FGGY: variants seen among roughly 807,000 people sequenced by gnomAD.
FGGY encodes the protein FGGY carbohydrate kinase domain containing, also known as FGGY carbohydrate kinase domain-containing protein.
In FGGY, 72 loss-of-function variants were observed where a neutral mutation model predicts 71.3. That is an observed-to-expected ratio of 1.01 (90% CI 0.84 to 1.23). The LOEUF (loss-of-function observed/expected upper bound fraction) is 1.23. FGGY is among the 50% of genes most tolerant of loss of function. FGGY has a pLI of 0.00. For synonymous variants in FGGY, 251 were observed against 250.3 expected (o/e 1.00, Z -0.02); for missense variants, 668 against 682.3 (o/e 0.98, Z 0.23).
chr1:59,374,395 C>A (rs1188679283), intron 4 of FGGY, among the ~76,000 whole-genome samples: 1 of 152,198 alleles, frequency 6.6e-6, no homozygotes, highest in Non-Finnish European at 1.5e-5. Context: ...TTTAAAAAGT[C>A]AGGAAACAAC....
chr1:59,415,277 A>G (rs1430693117), intron 5 of FGGY, among the ~76,000 whole-genome samples: 1 of 152,228 alleles, frequency 6.6e-6, no homozygotes, highest in African/African-American at 2.4e-5. Flanking sequence ...ATATACCTCA[A>G]TAAAGTTGTT....
intron 3 of FGGY, among the ~76,000 whole-genome samples, chr1:59,344,944 A>T (rs1006206408): frequency 2.0e-5 from 3 of 152,094 alleles, no homozygotes; most frequent in African/African-American, 7.2e-5. Context: ...TCATGTTACT[A>T]TGTCTAACTC....
At chr1:59,613,306 C>G (rs1214688577) in intron 9 of FGGY, among the ~76,000 whole-genome samples, 3 of 152,160 alleles carry the variant, frequency 2.0e-5, no homozygotes, top group Admixed American at 2.0e-4. Flanking sequence ...TCTCTCAGAC[C>G]ACAGTGCAAT....
At chr1:59,755,265 C>T (rs999082285) in intron 14 of FGGY, 6 of 152,078 alleles carry the variant, frequency 3.9e-5, no homozygotes, top group Admixed American at 1.3e-4. Flanking sequence ...TTTAACATTC[C>T]GTCACGTGTA....
intron 4 of FGGY, among the ~76,000 whole-genome samples, chr1:59,359,601 C>G (rs1337653453): frequency 1.3e-5 from 2 of 152,178 alleles, no homozygotes; most frequent in Non-Finnish European, 2.9e-5. Context: ...AGTGCTGACA[C>G]AGCTAAGACC....
intron 5 of FGGY, among the ~76,000 whole-genome samples, chr1:59,431,278 C>T (rs1210325711): frequency 6.6e-6 from 1 of 152,168 alleles, no homozygotes; most frequent in Non-Finnish European, 1.5e-5. Flanking sequence ...GGAAACAAGT[C>T]CTAACTTCCT....
At chr1:59,574,301 T>C (rs12071725) in intron 8 of FGGY, among the ~76,000 whole-genome samples, 15,640 of 152,174 alleles carry the variant, frequency 0.1, 2,029 homozygotes, top group African/African-American at 0.31. Context: ...CTTCTGTGGT[T>C]TCATTGCCTC....
chr1:59,704,448 ATGTC>A (rs370876064), intron 14 of FGGY, among the ~76,000 whole-genome samples: 188 of 152,284 alleles, frequency 1.2e-3, no homozygotes, highest in African/African-American at 4.4e-3. Context: ...TGCGTTTTGT[ATGTC>A]TGTCTTACAT....
At chr1:59,367,272 G>A (rs1571078189) in intron 4 of FGGY, among the ~76,000 whole-genome samples, 1 of 152,214 alleles carries the variant, frequency 6.6e-6, no homozygotes, top group South Asian at 2.1e-4. Context: ...GTTTCTGGCT[G>A]AGGTTTATGA....
chr1:59,382,254 C>G (rs1571364924), intron 5 of FGGY, among the ~76,000 whole-genome samples: 1 of 152,114 alleles, frequency 6.6e-6, no homozygotes, highest in East Asian at 1.9e-4. Context: ...CTATCTCATT[C>G]TTTTTTGTAG....
rs933383518 is a variant in FGGY at position 59,739,314 on chromosome 1, G to T, written c.1513-18617G>T. 7.2e-5 allele frequency among the ~76,000 whole-genome samples: 11 copies of T among 152,328 alleles called. No homozygotes were observed. The South Asian group carries it at 1.4e-3, about 20-fold the overall frequency. On this transcript the variant is annotated intron_variant, in intron 14 of 15. Coordinates refer to ENST00000303721, the MANE Select transcript of FGGY (RefSeq NM_018291.5). Reference sequence around the variant, plus strand: ...GATTATTTTTTAATTGCTTGGTAGAGATAAGTTTGGCTTCTGCAAATAAAC... The same window carrying T: ...GATTATTTTTTAATTGCTTGGTAGATATAAGTTTGGCTTCTGCAAATAAAC...
At chr1:59,708,431 A>G (rs771836245) in intron 14 of FGGY, among the ~76,000 whole-genome samples, 19 of 152,174 alleles carry the variant, frequency 1.2e-4, no homozygotes, top group Non-Finnish European at 1.0e-4. Flanking sequence ...GACCAGGGGA[A>G]TACCAGGCTC....
At chr1:59,385,742 A>G (rs764447327) in intron 5 of FGGY, among the ~76,000 whole-genome samples, 11 of 152,196 alleles carry the variant, frequency 7.2e-5, no homozygotes, top group Non-Finnish European at 1.5e-4. Context: ...ATGATAAGAT[A>G]ACTGAGCTGA....
At chr1:59,421,720 C>G (rs1049025145) in intron 5 of FGGY, among the ~76,000 whole-genome samples, 1 of 152,160 alleles carries the variant, frequency 6.6e-6, no homozygotes, top group African/African-American at 2.4e-5. Flanking sequence ...AAAGGCCTGA[C>G]ACTTCCTAGG....
chr1:59,456,843 C>T (rs1054427055), intron 5 of FGGY, 118 bp from the exon 6 acceptor site: 25 of 636,892 alleles, frequency 3.9e-5, no homozygotes, highest in Non-Finnish European at 7.0e-5. Context: ...TCATTATCTA[C>T]ACTGGCTTAT....
At chr1:59,662,794 G>A (rs2097289480) in intron 12 of FGGY, among the ~76,000 whole-genome samples, 1 of 152,130 alleles carries the variant, frequency 6.6e-6, no homozygotes, top group South Asian at 2.1e-4. Flanking sequence ...TACCATCTAG[G>A]TTTGTGGAAG....
chr1:59,663,828 A>T lies in FGGY; in HGVS notation c.1297-3455A>T, dbSNP rs139739655. On this transcript the variant is annotated intron_variant, in intron 12 of 15. Transcript: ENST00000303721. ...TAACAGATATTTTCCCATAATGTTC[A>T]ACTTGGGAAAAAAAAATGTTGTTTC... is the stretch of plus-strand genomic sequence containing the variant. 5.4e-4 allele frequency among the ~76,000 whole-genome samples: 83 copies of T among 152,328 alleles called. 1 individual carries two copies. Among genetic ancestry groups the T allele is most frequent in the African/African-American group, 1.9e-3 (80 of 41,572 alleles).
intron 5 of FGGY, among the ~76,000 whole-genome samples, chr1:59,407,353 T>A (rs1177337558): frequency 1.3e-5 from 2 of 152,110 alleles, no homozygotes; most frequent in Admixed American, 6.5e-5. Flanking sequence ...TCCAACACTT[T>A]ACAAGACCGC....
chr1:59,356,494 A>T (rs1413997329), intron 4 of FGGY, among the ~76,000 whole-genome samples: 1 of 152,170 alleles, frequency 6.6e-6, no homozygotes, highest in Non-Finnish European at 1.5e-5. Context: ...GTGGCATTCT[A>T]TGCTTATCTC....
Sources: allele counts gnomAD v4.1 joint callset (sites outside exome capture counted in the v4.1 genomes callset), GRCh38; gene constraint gnomAD v4.1.1; transcripts MANE v1.5; gene names NCBI Gene and HGNC (gene_info 2026-07-23, HGNC 2026-07-21).